PCDH9: variants seen among roughly 807,000 people sequenced by gnomAD.
PCDH9 encodes the protein protocadherin-9.
A neutral mutation model predicts 70.6 loss-of-function variants in PCDH9; 24 were observed. The ratio of observed to expected loss-of-function variants is 0.34; its 90% confidence interval spans 0.25 to 0.48. PCDH9 has a LOEUF of 0.48. Ranked by LOEUF, PCDH9 falls within the 20% of genes least tolerant of loss-of-function variation. The pLI, the probability that PCDH9 is intolerant of heterozygous loss-of-function variation, is 0.99. For synonymous variants in PCDH9, 562 were observed against 558.5 expected (o/e 1.01, Z -0.09); for missense variants, 1,281 against 1,503.6 (o/e 0.85, Z 2.45).
At chr13:67,058,332 G>T (rs1199623297) in intron 2 of PCDH9, among the ~76,000 whole-genome samples, 1 of 152,096 alleles carries the variant, frequency 6.6e-6, no homozygotes, top group African/African-American at 2.4e-5. Context: ...TAGCTTCTCT[G>T]CAGGATATGA....
chr13:66,661,206 T>A (rs1168383659), intron 3 of PCDH9, among the ~76,000 whole-genome samples: 1 of 152,222 alleles, frequency 6.6e-6, no homozygotes, highest in Non-Finnish European at 1.5e-5. Flanking sequence ...ACCTTATTTC[T>A]TATAGAAAGT....
At chr13:67,043,789 C>G (rs920748004) in intron 2 of PCDH9, among the ~76,000 whole-genome samples, 12 of 152,114 alleles carry the variant, frequency 7.9e-5, no homozygotes, top group Admixed American at 6.5e-5. Context: ...CTTTTGTGGC[C>G]ATAGGATGGC....
At chr13:66,468,701 T>A (rs749382922) in intron 4 of PCDH9, among the ~76,000 whole-genome samples, 28 of 152,152 alleles carry the variant, frequency 1.8e-4, no homozygotes, top group Non-Finnish European at 1.3e-4. Flanking sequence ...CATAATTGCT[T>A]GTGCACCTCA....
At chr13:67,139,836 G>A (rs1292764907) in intron 2 of PCDH9, among the ~76,000 whole-genome samples, 1 of 152,158 alleles carries the variant, frequency 6.6e-6, no homozygotes, top group Non-Finnish European at 1.5e-5. Flanking sequence ...CACATCAGCT[G>A]ACATTTGGTC....
intron 3 of PCDH9, among the ~76,000 whole-genome samples, chr13:66,764,233 C>A (rs1307017973): frequency 6.7e-6 from 1 of 149,314 alleles, no homozygotes; most frequent in East Asian, 2.0e-4. Context: ...CAAACACATA[C>A]ATTTCCATGT....
chr13:66,463,277 C>T (rs1454984937), intron 4 of PCDH9, among the ~76,000 whole-genome samples: 1 of 151,754 alleles, frequency 6.6e-6, no homozygotes, highest in African/African-American at 2.4e-5. Flanking sequence ...GCAAAGAATG[C>T]TCTTGAGAGT....
chr13:66,771,158 C>A (rs2079800999), intron 3 of PCDH9, among the ~76,000 whole-genome samples: 1 of 152,240 alleles, frequency 6.6e-6, no homozygotes, highest in South Asian at 2.1e-4. Context: ...TCATGATGTA[C>A]TACAGCCTGG....
At chr13:66,393,921 C>T (rs574500025) in intron 4 of PCDH9, among the ~76,000 whole-genome samples, 23 of 152,222 alleles carry the variant, frequency 1.5e-4, no homozygotes, top group Admixed American at 2.6e-4. Context: ...AGGCAAGAAA[C>T]GAGTGGAATC....
chr13:66,991,232 G>A (rs1016893175), intron 2 of PCDH9: 2 of 152,008 alleles, frequency 1.3e-5, no homozygotes, highest in African/African-American at 4.8e-5. Context: ...AATTTTGTAA[G>A]ATCAATCCAT....
chr13:66,408,457 C>G (rs1455481695), intron 4 of PCDH9, among the ~76,000 whole-genome samples: 1 of 152,146 alleles, frequency 6.6e-6, no homozygotes, highest in Non-Finnish European at 1.5e-5. Flanking sequence ...TAAACAGGAG[C>G]TAAGTAAGCT....
At chr13:66,687,509 C>A (rs888695330) in intron 3 of PCDH9, among the ~76,000 whole-genome samples, 1 of 152,038 alleles carries the variant, frequency 6.6e-6, no homozygotes, top group Middle Eastern at 3.4e-3. Context: ...ATGTAGATCT[C>A]TTCCAGTTTT....
At chr13:66,534,164 C>A (rs2138639732) in intron 4 of PCDH9, among the ~76,000 whole-genome samples, 1 of 152,188 alleles carries the variant, frequency 6.6e-6, no homozygotes, top group South Asian at 2.1e-4. Flanking sequence ...TAGAAGGTAG[C>A]AGATATTCTC....
intron 3 of PCDH9, among the ~76,000 whole-genome samples, chr13:66,875,772 C>T (rs1450350557): frequency 6.6e-6 from 1 of 152,110 alleles, no homozygotes; most frequent in Non-Finnish European, 1.5e-5. Context: ...TTTACAAATG[C>T]TAAAGGGTGA....
At chr13:66,321,030 C>T (rs1955744018) in intron 4 of PCDH9, among the ~76,000 whole-genome samples, 1 of 151,994 alleles carries the variant, frequency 6.6e-6, no homozygotes, top group Admixed American at 6.6e-5. Flanking sequence ...ATTCTCCTTT[C>T]AATTGGATAT....
At chr13:66,539,107 A>T (rs557664024) in intron 4 of PCDH9, among the ~76,000 whole-genome samples, 5 of 152,234 alleles carry the variant, frequency 3.3e-5, no homozygotes, top group Admixed American at 1.3e-4. Flanking sequence ...TGCAATATTT[A>T]CCTGTCTAAT....
intron 2 of PCDH9, among the ~76,000 whole-genome samples, chr13:67,189,881 AT>A (rs1035371186): frequency 1.3e-5 from 2 of 152,052 alleles, no homozygotes; most frequent in African/African-American, 4.8e-5. Flanking sequence ...GAAAAAAAAA[AT>A]GTAATGTTTT....
At chr13:66,554,530 T>C (rs1190332156) in intron 4 of PCDH9, among the ~76,000 whole-genome samples, 1 of 152,098 alleles carries the variant, frequency 6.6e-6, no homozygotes, top group African/African-American at 2.4e-5. Flanking sequence ...AAATATTTTT[T>C]CTGAATTAAA....
chr13:66,569,667 G>C (rs1166306366), intron 4 of PCDH9, among the ~76,000 whole-genome samples: 1 of 152,044 alleles, frequency 6.6e-6, no homozygotes, highest in Non-Finnish European at 1.5e-5. Flanking sequence ...TTGGTTGAGG[G>C]TGTTTCTATT....
intron 4 of PCDH9, among the ~76,000 whole-genome samples, chr13:66,376,533 CT>C (rs1285561167): frequency 1.3e-5 from 2 of 151,810 alleles, no homozygotes; most frequent in Non-Finnish European, 2.9e-5. Flanking sequence ...AAACAGATGA[CT>C]TTTTTTCATG....
Sources: gnomAD v4.1 joint callset for allele counts (sites outside exome capture counted in the v4.1 genomes callset) on GRCh38, gnomAD v4.1.1 for gene constraint, MANE v1.5 for transcripts, NCBI Gene and HGNC (gene_info 2026-07-23, HGNC 2026-07-21) for gene names.